Variants in PRICKLE2 observed in about 807,000 individuals in gnomAD.
PRICKLE2 encodes prickle planar cell polarity protein 2.
A neutral mutation model predicts 81.4 loss-of-function variants in PRICKLE2; 21 were observed. The observed-to-expected ratio is 0.26, with a 90% confidence interval of 0.18 to 0.37. PRICKLE2 has a LOEUF of 0.37. PRICKLE2 is among the 10% of genes least tolerant of loss of function. PRICKLE2 has a pLI of 1.00. For synonymous variants in PRICKLE2, 456 were observed against 421.5 expected, an observed-to-expected ratio of 1.08 and a Z score of -1.00; for missense variants, 940 against 1,109.0, an observed-to-expected ratio of 0.85 and a Z score of 2.16.
chr3:64,172,565 A>G (rs1400883588), intron 2 of PRICKLE2, among the ~76,000 whole-genome samples: 2 of 152,226 alleles, frequency 1.3e-5, no homozygotes, highest in Non-Finnish European at 2.9e-5. Flanking sequence ...TCTACCTTGA[A>G]GCATTAATAA....
intron 7 of PRICKLE2, among the ~76,000 whole-genome samples, chr3:64,104,141 G>T (rs1412869053): frequency 1.3e-5 from 2 of 152,184 alleles, no homozygotes; most frequent in East Asian, 3.8e-4. Flanking sequence ...CAGGGCAATA[G>T]CAGCTGGGGC....
rs754683606 is a variant in PRICKLE2 at position 64,099,165 on chromosome 3, A to T, written c.2421T>A (p.Asp807Glu). 2 of 1,614,234 alleles carry T rather than the reference A, an allele frequency of 1.2e-6. No homozygotes were observed. The highest frequency in any genetic ancestry group is 4.5e-5 in the East Asian group (2 of 44,862). Residue 807 changes from aspartate (D) to glutamate (E), a missense_variant, in exon 8 of 8, where the codon GAT becomes GAA. Physicochemically the swap from Asp to Glu is conservative, Grantham distance 45. This residue lies in a region of PRICKLE2 where 670 missense variants were observed against 717.2 expected (regional missense o/e 0.93). Transcript: ENST00000638394. This position sits in a 1 kb window ranked among gnomAD's most constrained non-coding sequence, Gnocchi z 4.3. ...QPARLRYVTS[D>E]ELLHKYSSYG... The stretch of plus-strand genomic sequence containing the variant: ...AGGAGCTGTATTTGTGCAGCAGCTC[A>T]TCGCTTGTGACGTATCGCAGGCGCG...
In PRICKLE2 at chr3:64,105,092, C is replaced by G. The variant is rs184217247; in HGVS notation, c.1661-5167G>C. 9.9e-5 allele frequency among the ~76,000 whole-genome samples: 15 copies of G among 152,276 alleles called. No homozygotes were observed. The East Asian group carries it at 2.7e-3, about 28-fold the overall frequency. ...TGTGCTTACATTCCTCCCTGTCTCC[C>G]CAAACACAACAATAAGCTTATTCCA... On this transcript the variant is annotated intron_variant, in intron 7 of 7. Transcript: ENST00000638394.
intron 2 of PRICKLE2, among the ~76,000 whole-genome samples, chr3:64,171,986 C>A (rs1032642941): frequency 7.9e-4 from 120 of 152,294 alleles, no homozygotes; most frequent in African/African-American, 2.8e-3. Flanking sequence ...TGCCCTAAGC[C>A]GGTACCATAA....
At chr3:64,119,105 C>A (rs1234056660) in intron 7 of PRICKLE2, among the ~76,000 whole-genome samples, 1 of 152,042 alleles carries the variant, frequency 6.6e-6, no homozygotes, top group Non-Finnish European at 1.5e-5. Flanking sequence ...TTATTCTTAG[C>A]AAACTAAGAC....
At position 64,180,515 on chromosome 3, in the gene PRICKLE2, T is replaced by C. The variant is rs79697192; in HGVS notation, c.145-17386A>G. On this transcript the variant is annotated intron_variant, in intron 2 of 7. Transcript: ENST00000638394. ...GGAAGCCACCATTTTCCTTTCAGTA[T>C]CTACAAATTTGACAATTTGAGAATG... 4.0e-5 allele frequency among the ~76,000 whole-genome samples: 6 copies of C among 149,108 alleles called. No homozygotes were observed. In the South Asian group the frequency reaches 1.3e-3, roughly 33 times the overall value.
At chr3:64,227,884 G>A (rs2079051091), upstream of PRICKLE2, among the ~76,000 whole-genome samples, 2 of 152,158 alleles carry the variant, frequency 1.3e-5, no homozygotes, top group Non-Finnish European at 2.9e-5. Flanking sequence ...TTCAAAAGGT[G>A]GGGAGAAAGC....
intron 2 of PRICKLE2, among the ~76,000 whole-genome samples, chr3:64,188,693 GGTCT>G (rs2078280273): frequency 6.6e-6 from 1 of 152,066 alleles, no homozygotes; most frequent in African/African-American, 2.4e-5. Context: ...CTAAATCAGG[GGTCT>G]GTGTTTCAAA....
chr3:64,171,032 C>T (rs976365963), intron 2 of PRICKLE2, among the ~76,000 whole-genome samples: 7 of 152,176 alleles, frequency 4.6e-5, no homozygotes, highest in Non-Finnish European at 7.3e-5. Flanking sequence ...CTGTCTCTTA[C>T]CATATTCCTT....
rs142284582 is a variant in PRICKLE2, at chr3:64,165,135, C to T, written c.145-2006G>A. ...TGCTTGAAAATGCAGAGTCTAGTTG[C>T]GGTTCCATCGACCCTCCTCTTAATC... On this transcript the variant is annotated intron_variant, in intron 2 of 7. Transcript: ENST00000638394. Among the ~76,000 whole-genome samples the T allele has an allele frequency of 1.6e-4, 25 of 152,276 alleles. 1 individual carries two copies. In the East Asian group the frequency reaches 2.1e-3, roughly 13 times the overall value.
chr3:64,253,122 A>G (rs2079474309), intron 2 of PRICKLE2, among the ~76,000 whole-genome samples: 1 of 152,244 alleles, frequency 6.6e-6, no homozygotes, highest in Non-Finnish European at 1.5e-5. Flanking sequence ...TCTGGAAATA[A>G]TAACAGCTAT....
In PRICKLE2 at chr3:64,198,764, G is replaced by T; in HGVS notation, c.144+20C>A. 2.5e-6 allele frequency: 4 copies of T among 1,613,094 alleles called. No individual in the cohort carries two copies. Among genetic ancestry groups the T allele is most frequent in the Non-Finnish European group, 3.4e-6 (4 of 1,179,284 alleles). On this transcript the variant is annotated intron_variant, in intron 2 of 7. Coordinates refer to ENST00000638394, the MANE Select transcript of PRICKLE2 (RefSeq NM_198859.4). ...AGTGAAACACCCAAACCACCAGCAT[G>T]CTCCCATCCAGAATGGTACCTGTTC...
chr3:64,160,417 G>A (rs2077713651), intron 3 of PRICKLE2, among the ~76,000 whole-genome samples: 1 of 152,190 alleles, frequency 6.6e-6, no homozygotes, highest in Non-Finnish European at 1.5e-5. Flanking sequence ...CCAGGAAAGA[G>A]CTGAGAAGTT....
intron 2 of PRICKLE2, among the ~76,000 whole-genome samples, chr3:64,180,595 CTA>C (rs2078112802): frequency 2.0e-5 from 3 of 151,798 alleles, no homozygotes; most frequent in African/African-American, 7.3e-5. Flanking sequence ...TGCAGTAGCA[CTA>C]TCTCTGCTCA....
chr3:64,153,279 G>A lies in PRICKLE2; in HGVS notation c.690C>T (p.Gly230=), dbSNP rs144338942. Residue 230 remains glycine, a synonymous_variant, in exon 6 of 8, where the codon GGC becomes GGT. Transcript: ENST00000638394. The part of the protein sequence containing the change: ...FCCFECETVL[G]GQRYIMKEGR... ...CCTCCTTCATGATGTAGCGCTGGCC[G>A]CCCAGCACTGTCTCACACTCGAAGC... is the stretch of plus-strand genomic sequence containing the variant. 436 of 1,614,164 alleles carry A rather than the reference G, an allele frequency of 2.7e-4. 3 individuals carry two copies. The highest frequency in any genetic ancestry group is 2.2e-3 in the South Asian group (198 of 91,084).
chr3:64,243,928 T>C (rs1423792236), intron 2 of PRICKLE2, among the ~76,000 whole-genome samples: 1 of 152,178 alleles, frequency 6.6e-6, no homozygotes, highest in Non-Finnish European at 1.5e-5. Context: ...AGCCTCCTAG[T>C]ATGTTATTTC....
intron 7 of PRICKLE2, chr3:64,103,064 G>T (rs2076694855): frequency 6.6e-6 from 1 of 152,124 alleles, no homozygotes; most frequent in African/African-American, 2.4e-5. Context: ...GGTGTTGTTT[G>T]TTCTATTTTT....
intron 7 of PRICKLE2, among the ~76,000 whole-genome samples, chr3:64,115,970 A>G (rs897660157): frequency 4.6e-5 from 7 of 152,198 alleles, no homozygotes; most frequent in African/African-American, 1.2e-4. Context: ...ATCAAATGCA[A>G]AAGAACTGAA....
In PRICKLE2 at chr3:64,153,191, G is replaced by C. The variant is rs746848023; in HGVS notation, c.778C>G (p.Gln260Glu). The change falls in exon 6 of 8, where the codon CAA (glutamine) becomes GAA (glutamate). Residue 260 changes from glutamine (Q) to glutamate (E), a missense_variant. Coordinates refer to ENST00000638394, the MANE Select transcript of PRICKLE2 (RefSeq NM_198859.4). ...CCAAATATTGCCTCACCTATATGTT[G>C]GGCACAGGTGTCACAATATTCTGCA... is the stretch of plus-strand genomic sequence containing the variant. ...LYAEYCDTCA[Q>E]HIGIDQGQMT... 2 of 1,614,030 alleles carry C rather than the reference G, an allele frequency of 1.2e-6. No individual in the cohort carries two copies. Among genetic ancestry groups the C allele is most frequent in the South Asian group, 1.1e-5 (1 of 91,070 alleles).
Sources: allele counts gnomAD v4.1 joint callset (sites outside exome capture counted in the v4.1 genomes callset), GRCh38; gene constraint gnomAD v4.1.1; regional missense constraint gnomAD v4.1.1; non-coding constraint Gnocchi (gnomAD v3.1); transcripts MANE v1.5; gene names NCBI Gene and HGNC (gene_info 2026-07-23, HGNC 2026-07-21).